The following SPA17 variants were observed in gnomAD, a reference collection of about 807,000 sequenced individuals.
SPA17 encodes the protein sperm surface protein Sp17.
Under a neutral mutation model 13.8 loss-of-function variants are expected in SPA17, and 7 were observed. The observed-to-expected ratio is 0.51, with a 90% CI of 0.29 to 0.95. The LOEUF is 0.95. SPA17 is among the 40% of genes least tolerant of loss of function. The probability of loss-of-function intolerance (pLI) is 0.08; values close to 1 mark genes in which losing one functional copy is unlikely to be tolerated. For synonymous variants in SPA17, 61 were observed against 59.0 expected (o/e 1.03, Z -0.16); for missense variants, 170 against 179.3 (o/e 0.95, Z 0.30).
At chr11:124,678,963 T>C (rs1943500411) in intron 2 of SPA17, among the ~76,000 whole-genome samples, 2 of 152,204 alleles carry the variant, frequency 1.3e-5, no homozygotes, top group South Asian at 4.2e-4. Context: ...ATAGAAAATA[T>C]CTTGAATTTC....
chr11:124,684,398 A>G (rs1279450255), intron 3 of SPA17, among the ~76,000 whole-genome samples: 6 of 152,108 alleles, frequency 3.9e-5, no homozygotes, highest in Admixed American at 2.6e-4. Flanking sequence ...AGTAGCTGGA[A>G]TTACAGGTGC....
At chr11:124,675,198 CAGACAAATTTAA>C in intron 1 of SPA17, 28 bp from the exon 2 acceptor site, 1 of 1,538,060 alleles carries the variant, frequency 6.5e-7, no homozygotes, top group Non-Finnish European at 8.7e-7. Flanking sequence ...TAAGTAAAAT[CAGACAAATTTAA>C]AGACAGTACT....
chr11:124,684,485 C>G (rs527647546), intron 3 of SPA17, among the ~76,000 whole-genome samples: 1 of 152,246 alleles, frequency 6.6e-6, no homozygotes, highest in African/African-American at 2.4e-5. Context: ...CTCCTGGCCT[C>G]AAGTGATCTA....
Position 124,675,270 on chromosome 11 carries a change from G to T in SPA17, c.6G>T (p.Ser2=), listed in dbSNP as rs374373269. Residue 2 remains serine (S), a synonymous_variant, in exon 2 of 5, where the codon TCG becomes TCT. Transcript: ENST00000227135. M[S]IPFSNTHYRI... ...AGGCAGTTCTTACCAAGAAGATGTC[G>T]ATTCCATTCTCCAACACCCACTACC... 2 of 1,611,862 alleles carry T rather than the reference G, an allele frequency of 1.2e-6. No homozygotes were observed. Among genetic ancestry groups the T allele is most frequent in the African/African-American group, 1.3e-5 (1 of 74,888 alleles).
At chr11:124,685,880 C>T (rs1943573729) in intron 3 of SPA17, among the ~76,000 whole-genome samples, 3 of 152,140 alleles carry the variant, frequency 2.0e-5, no homozygotes, top group African/African-American at 7.2e-5. Context: ...ATGCCTGTAC[C>T]CCCATTGTAT....
intron 1 of SPA17, chr11:124,674,347 C>A (rs1456512720): frequency 6.6e-6 from 1 of 152,200 alleles, no homozygotes; most frequent in Non-Finnish European, 1.5e-5. Context: ...AGGCCAGAGA[C>A]CCCCTCTCAA....
At position 124,694,342 on chromosome 11, in the gene SPA17, G is replaced by A; in HGVS notation, c.352G>A (p.Ala118Thr). Reference protein sequence around the residue: ...EEDKEKEEVAAVKIQAAFRGH... With the variant: ...EEDKEKEEVATVKIQAAFRGH... ...AGATAAGGAAAAAGAAGAGGTTGCT[G>A]CTGTCAAAATCCAAGCTGCCTTCCG... Residue 118 changes from alanine (A) to threonine (T), a missense_variant, in exon 5 of 5, where the codon GCT becomes ACT. Physicochemically the swap from Ala to Thr is moderately conservative, Grantham distance 58 (BLOSUM62 0). Transcript: ENST00000227135. 6.2e-7 allele frequency: 1 copy of A among 1,614,080 alleles called. No homozygotes were observed. Among genetic ancestry groups the A allele is most frequent in the Non-Finnish European group, 8.5e-7 (1 of 1,180,004 alleles).
intron 2 of SPA17, among the ~76,000 whole-genome samples, chr11:124,677,448 T>C (rs1444381268): frequency 3.9e-5 from 6 of 152,188 alleles, no homozygotes; most frequent in Non-Finnish European, 1.5e-5. Context: ...AGGAAAAAGA[T>C]AAAATTGGAT....
chr11:124,692,452 C>T (rs1037857010), intron 4 of SPA17, among the ~76,000 whole-genome samples: 6 of 151,934 alleles, frequency 3.9e-5, no homozygotes, highest in Admixed American at 6.6e-5. Context: ...TGGTGGCGGG[C>T]GCCTGTAGTT....
intron 2 of SPA17, among the ~76,000 whole-genome samples, chr11:124,678,967 G>A (rs898141310): frequency 2.0e-5 from 3 of 152,006 alleles, no homozygotes; most frequent in Admixed American, 2.0e-4. Context: ...AAAATATCTT[G>A]AATTTCGAAT....
In SPA17 at chr11:124,694,317, A is replaced by G; in HGVS notation, c.327A>G (p.Glu109=). 6.2e-7 allele frequency: 1 copy of G among 1,613,742 alleles called. No individual in the cohort carries two copies. The highest frequency in any genetic ancestry group is 8.5e-7 in the Non-Finnish European group (1 of 1,179,914). The change falls in exon 5 of 5, where the codon GAA becomes GAG. Residue 109 remains glutamate, a synonymous_variant. Coordinates refer to ENST00000227135, the MANE Select transcript of SPA17 (RefSeq NM_017425.4). The stretch of plus-strand genomic sequence containing the variant: ...TTTCGATGAAGGACTCTTCTGAGGA[A>G]GATAAGGAAAAAGAAGAGGTTGCTG... ...TSVTILDSSE[E]DKEKEEVAAV... is the part of the protein sequence containing the mutation.
intron 3 of SPA17, among the ~76,000 whole-genome samples, chr11:124,685,574 C>T (rs1182492885): frequency 6.6e-6 from 1 of 152,146 alleles, no homozygotes; most frequent in Non-Finnish European, 1.5e-5. Flanking sequence ...ATCCTCCAGA[C>T]CCTAGAGTGG....
chr11:124,691,424 A>G (rs1210397869), intron 3 of SPA17, among the ~76,000 whole-genome samples: 1 of 152,218 alleles, frequency 6.6e-6, no homozygotes, highest in Non-Finnish European at 1.5e-5. Flanking sequence ...TTTTTAACAT[A>G]AAACAGTGGT....
intron 1 of SPA17, 183 bp downstream of exon 1, chr11:124,674,135 C>T (rs1943423983): frequency 4.8e-6 from 1 of 207,408 alleles, no homozygotes; most frequent in Non-Finnish European, 9.9e-6. Flanking sequence ...CTAGACCCGT[C>T]TGCCCCCTCC....
intron 3 of SPA17, among the ~76,000 whole-genome samples, chr11:124,691,384 T>C (rs1943622379): frequency 6.6e-6 from 1 of 152,196 alleles, no homozygotes; most frequent in Non-Finnish European, 1.5e-5. Flanking sequence ...TACATCATCT[T>C]ATCAACTTTT....
At position 124,673,967 on chromosome 11, in the gene SPA17, C is replaced by T; in HGVS notation, c.-28+15C>T. 7.2e-6 allele frequency: 4 copies of T among 556,464 alleles called. No individual in the cohort carries two copies. The highest frequency in any genetic ancestry group is 1.3e-5 in the Non-Finnish European group (4 of 311,614). 34.5% of individuals were successfully genotyped at this position (556,464 alleles called of 1,614,324 possible). A position where few individuals can be genotyped will look rare whatever the true frequency, so the allele number is the denominator to read the frequency against. ...AGAGAAAGGAGGTGAGGCCGCTTCC[C>T]CACTTCCTCTCCGATACCAAGACCT... On this transcript the variant is annotated intron_variant, in intron 1 of 4. Transcript: ENST00000227135.
At position 124,691,703 on chromosome 11, in the gene SPA17, A is replaced by C. The variant is rs748280152; in HGVS notation, c.233A>C (p.Glu78Ala). The change falls in exon 4 of 5, where the codon GAA becomes GCA. Residue 78 changes from glutamate (E) to alanine (A), a missense_variant. Physicochemically the swap from Glu to Ala is moderately radical, Grantham distance 107 (BLOSUM62 -1). Transcript: ENST00000227135. Reference protein sequence around the residue: ...FYNNHAFEEQEPPEKSDPKQE... With the variant: ...FYNNHAFEEQAPPEKSDPKQE... ...TCTCTCCTATCTGTCCAGGAGCAAG[A>C]ACCACCTGAGAAAAGTGATCCTAAA... 9 of 1,611,624 alleles carry C rather than the reference A, an allele frequency of 5.6e-6. No homozygotes were observed. In the African/African-American group the frequency reaches 1.2e-4, roughly 22 times the overall value.
chr11:124,682,707 A>G (rs1405345539), intron 3 of SPA17, among the ~76,000 whole-genome samples: 1 of 152,130 alleles, frequency 6.6e-6, no homozygotes, highest in African/African-American at 2.4e-5. Flanking sequence ...AATAAAAAAG[A>G]ATAAACAAAG....
rs752283754 is a variant in SPA17 at position 124,681,508 on chromosome 11, A to G, written c.225+49A>G. On this transcript the variant is annotated intron_variant, in intron 3 of 4. Coordinates refer to ENST00000227135, the MANE Select transcript of SPA17 (RefSeq NM_017425.4). ...ATTTGGCTATTTCTTCTCTCTGTCT[A>G]CAGCTAGCAATTATTAGGCTATCCC... The G allele has an allele frequency of 1.3e-5, 18 of 1,407,734 alleles. No individual in the cohort carries two copies. In the South Asian group the frequency reaches 2.4e-4, roughly 19 times the overall value. 87.2% of individuals were successfully genotyped at this position (1,407,734 alleles called of 1,614,324 possible). A position where few individuals can be genotyped will look rare whatever the true frequency, so the allele number is the denominator to read the frequency against.
Sources: gnomAD v4.1 joint callset for allele counts (sites outside exome capture counted in the v4.1 genomes callset) on GRCh38, gnomAD v4.1.1 for gene constraint, MANE v1.5 for transcripts, NCBI Gene and HGNC (gene_info 2026-07-23, HGNC 2026-07-21) for gene names.